Variants in KPNA4 observed in about 807,000 individuals in gnomAD.
The protein encoded by KPNA4 is karyopherin subunit alpha 4, also known as importin subunit alpha-3.
KPNA4 carries 13 observed loss-of-function variants against 71.3 expected under a neutral mutation model. That is an observed-to-expected ratio of 0.18 (90% CI 0.12 to 0.29). KPNA4 has a LOEUF of 0.29. Among genes scored for constraint, KPNA4 ranks in the 10% least tolerant of loss-of-function variants. The pLI is 1.00. For missense variants in KPNA4, 334 were observed against 603.2 expected (o/e 0.55, Z 4.67); for synonymous variants, 189 against 195.2 (o/e 0.97, Z 0.26).
At chr3:160,546,199 A>G (rs1721903405) in intron 1 of KPNA4, among the ~76,000 whole-genome samples, 1 of 152,190 alleles carries the variant, frequency 6.6e-6, no homozygotes. Flanking sequence ...CTAAGAGAGA[A>G]ATCAGTGAGA....
At chr3:160,532,828 T>TAAG (rs1386371785) in intron 5 of KPNA4, among the ~76,000 whole-genome samples, 4 of 152,206 alleles carry the variant, frequency 2.6e-5, no homozygotes, top group Non-Finnish European at 5.9e-5. Context: ...TCTGTGTAAC[T>TAAG]AAACAATAGG....
At position 160,565,317 on chromosome 3, in the gene KPNA4, C is replaced by G. The variant is rs370653739; in HGVS notation, c.-35G>C. On this transcript the variant is annotated 5_prime_UTR_variant, in exon 1 of 17. Transcript: ENST00000334256. ...GGTGACTCCTTCCCCCGCCCGGGCC[C>G]CGCGGGATCCGCCCCAACCAACGCG... is the stretch of plus-strand genomic sequence containing the variant. 1.0e-4 allele frequency: 157 copies of G among 1,531,146 alleles called. No individual in the cohort carries two copies. The highest frequency in any genetic ancestry group is 1.3e-4 in the Non-Finnish European group (151 of 1,126,324). The allele number at this position is 1,531,146 out of a possible 1,614,324, so 94.8% of individuals were successfully genotyped here. A position where few individuals can be genotyped will look rare whatever the true frequency, so the allele number is the denominator to read the frequency against.
At chr3:160,559,049 A>C (rs1409097594) in intron 1 of KPNA4, among the ~76,000 whole-genome samples, 1 of 152,226 alleles carries the variant, frequency 6.6e-6, no homozygotes, top group Non-Finnish European at 1.5e-5. Flanking sequence ...AGGAAAAAGT[A>C]CTTGTGCAAC....
At chr3:160,503,089 T>C (rs554647480) in intron 16 of KPNA4, among the ~76,000 whole-genome samples, 27 of 151,936 alleles carry the variant, frequency 1.8e-4, no homozygotes, top group African/African-American at 6.0e-4. Context: ...CCAGCCTGGG[T>C]GACAGAGCAA....
chr3:160,515,191 G>T, intron 12 of KPNA4: 1 of 554,734 alleles, frequency 1.8e-6, no homozygotes, highest in South Asian at 1.4e-5. Flanking sequence ...AAAATTTCCA[G>T]TCATACAACA....
chr3:160,514,979 G>C (rs768327971), intron 12 of KPNA4: 1 of 519,164 alleles, frequency 1.9e-6, no homozygotes, highest in South Asian at 1.4e-5. Flanking sequence ...TAGGTGAGCT[G>C]TTCTTGGGTT....
intron 1 of KPNA4, among the ~76,000 whole-genome samples, 168 bp downstream of exon 1, chr3:160,565,046 A>C (rs1260045178): frequency 6.6e-6 from 1 of 151,126 alleles, no homozygotes; most frequent in Non-Finnish European, 1.5e-5. Flanking sequence ...CAGGCCCGAC[A>C]TAAACTTCCC....
chr3:160,539,545 A>C (rs1721755140), intron 1 of KPNA4, among the ~76,000 whole-genome samples: 1 of 152,238 alleles, frequency 6.6e-6, no homozygotes. Context: ...CACTTCTCGA[A>C]GTCAGAGTTC....
intron 10 of KPNA4, among the ~76,000 whole-genome samples, chr3:160,523,001 C>T (rs1471540087): frequency 6.6e-6 from 1 of 151,958 alleles, no homozygotes; most frequent in African/African-American, 2.4e-5. Context: ...ACGTTAGGTC[C>T]TAATTAGAAG....
chr3:160,551,864 G>C (rs779419045), intron 1 of KPNA4, among the ~76,000 whole-genome samples: 1 of 148,586 alleles, frequency 6.7e-6, no homozygotes, highest in Non-Finnish European at 1.5e-5. Context: ...GTATTCTAAT[G>C]GTTCTCATCT....
At chr3:160,558,192 A>T (rs1356618341) in intron 1 of KPNA4, among the ~76,000 whole-genome samples, 1 of 152,228 alleles carries the variant, frequency 6.6e-6, no homozygotes, top group Non-Finnish European at 1.5e-5. Flanking sequence ...GTCATAAACT[A>T]GTATGTATGT....
rs569047751 is a variant in KPNA4 at position 160,556,956 on chromosome 3, T to C, written c.69+8258A>G. Among the ~76,000 whole-genome samples, 5 of 152,256 alleles carry C rather than the reference T, an allele frequency of 3.3e-5. No individual in the cohort carries two copies. The South Asian group carries it at 6.2e-4, about 19-fold the overall frequency. On this transcript the variant is annotated intron_variant, in intron 1 of 16. Transcript: ENST00000334256. ...AACCTACCCTAAATAGGTAGGACTA[T>C]AGGTGTGTGCCACCACACCCAGCTA...
chr3:160,525,695 T>C (rs1721444154), intron 10 of KPNA4, 105 bp downstream of exon 10: 1 of 539,950 alleles, frequency 1.9e-6, no homozygotes, highest in Non-Finnish European at 3.0e-6. Context: ...TCTGATAGTA[T>C]GCTGACACAA....
chr3:160,503,960 T>C (rs894582042), intron 16 of KPNA4, among the ~76,000 whole-genome samples: 15 of 152,094 alleles, frequency 9.9e-5, no homozygotes, highest in African/African-American at 3.6e-4. Context: ...GGCAAGCACT[T>C]GTAATCCCAG....
intron 1 of KPNA4, among the ~76,000 whole-genome samples, chr3:160,551,421 A>G (rs1390707248): frequency 6.6e-6 from 1 of 152,236 alleles, no homozygotes; most frequent in Non-Finnish European, 1.5e-5. Flanking sequence ...GTGATTAGTG[A>G]AAACTTAACT....
chr3:160,518,870 A>AC (rs1721288804), intron 11 of KPNA4, among the ~76,000 whole-genome samples: 2 of 152,116 alleles, frequency 1.3e-5, no homozygotes, highest in African/African-American at 4.8e-5. Context: ...CACACACACA[A>AC]AAAAAGTAAA....
chr3:160,517,631 T>C (rs1721255541), intron 11 of KPNA4, among the ~76,000 whole-genome samples: 1 of 152,100 alleles, frequency 6.6e-6, no homozygotes, highest in African/African-American at 2.4e-5. Flanking sequence ...AAGTATGTTA[T>C]CGTCTTCCTA....
At chr3:160,538,415 C>A (rs531268039) in intron 1 of KPNA4, among the ~76,000 whole-genome samples, 12 of 152,096 alleles carry the variant, frequency 7.9e-5, no homozygotes, top group Middle Eastern at 3.4e-3. Flanking sequence ...CTATGGTTAA[C>A]TGGCTACATT....
intron 13 of KPNA4, among the ~76,000 whole-genome samples, chr3:160,513,624 T>C (rs1028868332): frequency 7.2e-5 from 11 of 152,140 alleles, no homozygotes; most frequent in South Asian, 2.1e-4. Flanking sequence ...TGAGAGATGA[T>C]ATGGCATACA....
Sources: gnomAD v4.1 joint callset for allele counts (sites outside exome capture counted in the v4.1 genomes callset) on GRCh38, gnomAD v4.1.1 for gene constraint, MANE v1.5 for transcripts, NCBI Gene and HGNC (gene_info 2026-07-23, HGNC 2026-07-21) for gene names.